YIPF6: variants seen among roughly 807,000 people sequenced by gnomAD.
The protein encoded by YIPF6 is protein YIPF6.
In YIPF6, 3 loss-of-function variants were observed where a neutral mutation model predicts 16.8. The ratio of observed to expected loss-of-function variants is 0.18; its 90% CI spans 0.08 to 0.46. The LOEUF is 0.46. Ranked by LOEUF, YIPF6 falls within the 20% of genes least tolerant of loss-of-function variation. The pLI, the probability that YIPF6 is intolerant of heterozygous loss-of-function variation, is 0.98. For missense variants in YIPF6, 145 were observed against 184.9 expected (o/e 0.78, Z 1.25); for synonymous variants, 67 against 61.9 (o/e 1.08, Z -0.38).
intron 1 of YIPF6, among the ~76,000 whole-genome samples, chrX:68,507,809 G>T (rs921230527): frequency 1.8e-5 from 2 of 110,009 alleles, no homozygotes; most frequent in African/African-American, 6.6e-5. Flanking sequence ...TCACCATGTT[G>T]GCCAGGCTGG....
At chrX:68,529,907 C>T (rs1569328812) in intron 6 of YIPF6, among the ~76,000 whole-genome samples, 3 of 111,765 alleles carry the variant, frequency 2.7e-5, no homozygotes, top group South Asian at 3.8e-4. Context: ...ATGAGGTGTC[C>T]GTCAACCCCT....
rs777149166 is a variant in YIPF6 at position 68,532,041 on chromosome X, T to C, written c.*42T>C. ...TAAAAACCAGTGAATTGAAAGCACA[T>C]CTGAAAGATGCAATTCACCATGGAG... On this transcript the variant is annotated 3_prime_UTR_variant, in exon 7 of 7. Coordinates refer to ENST00000462683, the MANE Select transcript of YIPF6 (RefSeq NM_173834.4). 1.0e-6 allele frequency: 1 copy of C among 1,005,021 alleles called. No individual in the cohort carries two copies. The highest frequency in any genetic ancestry group is 3.1e-5 in the East Asian group (1 of 32,629). 82.8% of individuals were successfully genotyped at this position (1,005,021 alleles called of 1,213,427 possible).
At chrX:68,509,605 T>C (rs752349097) in intron 1 of YIPF6, among the ~76,000 whole-genome samples, 40 of 111,687 alleles carry the variant, frequency 3.6e-4, no homozygotes, top group Non-Finnish European at 3.0e-4. Context: ...TAGTCTAGTC[T>C]CTGCCTTAGG....
intron 1 of YIPF6, among the ~76,000 whole-genome samples, chrX:68,506,786 C>CT (rs749912240): frequency 1.8e-5 from 2 of 111,253 alleles, no homozygotes; most frequent in South Asian, 7.6e-4. Flanking sequence ...GTTGCCCAGG[C>CT]TGGAGTGCAG....
rs760666169 is a variant in YIPF6, at chrX:68,511,892, TAGA to T, written c.104_106del (p.Glu35del). On this transcript the variant is annotated inframe_deletion, in exon 2 of 7. Coordinates refer to ENST00000462683, the MANE Select transcript of YIPF6 (RefSeq NM_173834.4). ...ATATCCATCTCACAAGACATCCCCGTAGAAGGAGAAATCACCATTCCTATGAGA... is the reference window on the plus strand; with the variant it reads ...ATATCCATCTCACAAGACATCCCCGTAGGAGAAATCACCATTCCTATGAGA... 1 of 1,210,509 alleles carries T rather than the reference TAGA, an allele frequency of 8.3e-7. No homozygotes were observed. Among genetic ancestry groups the T allele is most frequent in the Admixed American group, 2.2e-5 (1 of 45,737 alleles).
At chrX:68,525,710 C>G (rs945741975) in intron 6 of YIPF6, among the ~76,000 whole-genome samples, 2 of 111,907 alleles carry the variant, frequency 1.8e-5, no homozygotes, top group African/African-American at 6.5e-5. Context: ...TATGGCTAGC[C>G]AGTTTTCCCA....
chrX:68,520,659 C>T (rs935500081), intron 4 of YIPF6, among the ~76,000 whole-genome samples: 3 of 110,669 alleles, frequency 2.7e-5, no homozygotes, highest in Non-Finnish European at 5.7e-5. Context: ...TTTGTAGAGA[C>T]GGGGGTTTCG....
In YIPF6 at chrX:68,532,319, C is replaced by G. The variant is rs1374928000; in HGVS notation, c.*320C>G. 3.2e-5 allele frequency: 5 copies of G among 157,869 alleles called. No individual in the cohort carries two copies. The highest frequency in any genetic ancestry group is 1.5e-4 in the African/African-American group (5 of 32,520). The allele number at this position is 157,869 out of a possible 1,213,427, so 13.0% of individuals were successfully genotyped here. A position where few individuals can be genotyped will look rare whatever the true frequency, so the allele number is the denominator to read the frequency against. ...GTGACAACCAGTGACTTGGGAAGCACATAGATACATCTTACAAGTTGAATA... is the reference window on the plus strand; with the variant it reads ...GTGACAACCAGTGACTTGGGAAGCAGATAGATACATCTTACAAGTTGAATA... On this transcript the variant is annotated 3_prime_UTR_variant, in exon 7 of 7. Coordinates refer to ENST00000462683, the MANE Select transcript of YIPF6 (RefSeq NM_173834.4).
At chrX:68,522,949 A>G in intron 6 of YIPF6, 32 bp downstream of exon 6, 1 of 1,199,126 alleles carries the variant, frequency 8.3e-7, no homozygotes, top group Non-Finnish European at 1.1e-6. Flanking sequence ...CAATAACAGA[A>G]CAGACAAAAA....
At chrX:68,517,424 G>A (rs895228952) in intron 3 of YIPF6, among the ~76,000 whole-genome samples, 1 of 112,225 alleles carries the variant, frequency 8.9e-6, no homozygotes, top group African/African-American at 3.2e-5. Flanking sequence ...TAGGATTACA[G>A]GCGTGAGCCA....
intron 6 of YIPF6, among the ~76,000 whole-genome samples, chrX:68,527,535 C>T (rs781431174): frequency 9.0e-6 from 1 of 111,561 alleles, no homozygotes; most frequent in South Asian, 3.7e-4. Context: ...TTTGCTCTTG[C>T]TTCTCTAGTT....
intron 1 of YIPF6, among the ~76,000 whole-genome samples, chrX:68,506,634 A>G (rs996333093): frequency 2.7e-5 from 3 of 111,316 alleles, no homozygotes; most frequent in African/African-American, 9.8e-5. Context: ...TGGGAGATTG[A>G]GGCTGCTGTG....
chrX:68,528,203 T>G (rs1346785987), intron 6 of YIPF6, among the ~76,000 whole-genome samples: 1 of 111,957 alleles, frequency 8.9e-6, no homozygotes, highest in Non-Finnish European at 1.9e-5. Flanking sequence ...TAGTTAGCTC[T>G]TCTTGTTGCA....
chrX:68,522,399 C>T (rs1196989348), intron 5 of YIPF6, among the ~76,000 whole-genome samples: 2 of 109,421 alleles, frequency 1.8e-5, no homozygotes, highest in Admixed American at 9.8e-5. Context: ...CAGGTTCAAG[C>T]GATTTTCCTG....
chrX:68,499,217 C>A (rs2079031494), intron 1 of YIPF6, 94 bp downstream of exon 1: 4 of 1,049,450 alleles, frequency 3.8e-6, no homozygotes, highest in African/African-American at 1.9e-5. Flanking sequence ...AGAGCCGGAG[C>A]TCCTTCCGCC....
chrX:68,499,117 G>T lies in YIPF6; in HGVS notation c.51G>T (p.Arg17Ser). The change falls in exon 1 of 7, where the codon AGG (arginine) becomes AGT (serine). Residue 17 changes from arginine (R) to serine (S), a missense_variant. Physicochemically the swap from Arg to Ser is moderately radical, Grantham distance 110. Transcript: ENST00000462683. Reference sequence around the variant, plus strand: ...GAGACCCGGGGACAGCATCGCCCAGGCCCCTGGTGAGCTTGGGATCTGCGA... The same window carrying T: ...GAGACCCGGGGACAGCATCGCCCAGTCCCCTGGTGAGCTTGGGATCTGCGA... ...SPGDPGTASP[R>S]PLFAGLSDIS... 1 of 1,180,530 alleles carries T rather than the reference G, an allele frequency of 8.5e-7. No homozygotes were observed. The highest frequency in any genetic ancestry group is 1.1e-6 in the Non-Finnish European group (1 of 880,017).
intron 1 of YIPF6, among the ~76,000 whole-genome samples, chrX:68,508,115 C>CT (rs564298459): frequency 3.6e-3 from 341 of 94,691 alleles, no homozygotes; most frequent in South Asian, 8.5e-3. Context: ...CTCAGCTATT[C>CT]TTTTTTTTTT....
At chrX:68,527,942 A>G (rs2079155644) in intron 6 of YIPF6, among the ~76,000 whole-genome samples, 1 of 111,458 alleles carries the variant, frequency 9.0e-6, no homozygotes, top group East Asian at 2.8e-4. Context: ...AATAAGTGTG[A>G]TGTGGTGCTG....
At chrX:68,499,263 TC>T in intron 1 of YIPF6, 140 bp downstream of exon 1, 1 of 770,508 alleles carries the variant, frequency 1.3e-6, no homozygotes, top group Middle Eastern at 3.6e-4. Context: ...CCAGAACCAG[TC>T]CCAACACTGC....
Sources: gnomAD v4.1 joint callset for allele counts (sites outside exome capture counted in the v4.1 genomes callset) on GRCh38, gnomAD v4.1.1 for gene constraint, MANE v1.5 for transcripts, NCBI Gene and HGNC (gene_info 2026-07-23, HGNC 2026-07-21) for gene names.